The following BAIAP2 variants were observed in gnomAD, a reference collection of about 807,000 sequenced individuals.
The protein encoded by BAIAP2 is BAR/IMD domain containing adaptor protein 2.
BAIAP2 carries 18 observed loss-of-function variants against 63.0 expected under a neutral mutation model. That is an observed-to-expected ratio of 0.29 (90% CI 0.20 to 0.42). BAIAP2 has a LOEUF of 0.42. Ranked by LOEUF, BAIAP2 falls within the 10% of genes least tolerant of loss-of-function variation. The pLI, the probability that BAIAP2 is intolerant of heterozygous loss-of-function variation, is 1.00. For synonymous variants in BAIAP2, 386 were observed against 307.6 expected, an observed-to-expected ratio of 1.25 and a Z score of -2.67; for missense variants, 610 against 734.3, an observed-to-expected ratio of 0.83 and a Z score of 1.96.
rs116179250 is a variant in BAIAP2 at position 81,110,218 on chromosome 17, A to G, written c.1535+1709A>G. ...CCCCGTGGCCTGGGACGTGGCTGGT[A>G]GTGTTTGTGTGGGAAGCAGCTCAAG... On this transcript the variant is annotated intron_variant, in intron 13 of 13. Coordinates refer to ENST00000428708, the MANE Select transcript of BAIAP2 (RefSeq NM_001144888.2). The G allele has an allele frequency of 1.7e-3, 1,635 of 985,668 alleles. 22 individuals are homozygous for G. In the African/African-American group the frequency reaches 0.027, roughly 16 times the overall value. The allele number at this position is 985,668 out of a possible 1,614,324, so 61.1% of individuals were successfully genotyped here. A position where few individuals can be genotyped will look rare whatever the true frequency, so the allele number is the denominator to read the frequency against.
rs369101747 is a variant in BAIAP2 at position 81,101,254 on chromosome 17, G to A, written c.642+1174G>A. ...AGCCTGGCCCTGCTGAACCAGGAGC[G>A]AGTTCCTCAGGGACGGGCTGCAGCA... On this transcript the variant is annotated intron_variant, in intron 7 of 13. Coordinates refer to ENST00000428708, the MANE Select transcript of BAIAP2 (RefSeq NM_001144888.2). Among the ~76,000 whole-genome samples the A allele has an allele frequency of 4.1e-4, 62 of 152,244 alleles. No individual in the cohort carries two copies. In the South Asian group the frequency reaches 0.012, roughly 31 times the overall value.
chr17:81,110,568 C>A (rs1271566641), intron 13 of BAIAP2: 2 of 1,168,040 alleles, frequency 1.7e-6, no homozygotes, highest in Admixed American at 4.3e-5. Context: ...GCCGTGGGGG[C>A]CCCGCCTTGT....
At position 81,103,922 on chromosome 17, in the gene BAIAP2, G is replaced by A; in HGVS notation, c.880G>A (p.Glu294Lys). 1 of 1,612,992 alleles carries A rather than the reference G, an allele frequency of 6.2e-7. No individual in the cohort carries two copies. Among genetic ancestry groups the A allele is most frequent in the Non-Finnish European group, 8.5e-7 (1 of 1,180,012 alleles). ...APFVGRMSAQ[E>K]STPIMNGVTG... Reference sequence around the variant, plus strand: ...TTCCCTGCAGCGGATGTCTGCCCAGGAGAGCACACCCATCATGAACGGCGT... The same window carrying A: ...TTCCCTGCAGCGGATGTCTGCCCAGAAGAGCACACCCATCATGAACGGCGT... Residue 294 changes from glutamate (E) to lysine (K), a missense_variant, in exon 9 of 14, where the codon GAG (glutamate) becomes AAG (lysine). Physicochemically the swap from Glu to Lys is moderately conservative, Grantham distance 56. Around this residue, in one of 5 missense-constraint regions of BAIAP2, gnomAD observed 389 missense variants for 455.6 expected, o/e 0.85. Transcript: ENST00000428708.
rs78875270 is a variant in BAIAP2, at chr17:81,096,719, C to T, written c.490-3209C>T. On this transcript the variant is annotated intron_variant, in intron 6 of 13. Coordinates refer to ENST00000428708, the MANE Select transcript of BAIAP2 (RefSeq NM_001144888.2). ...GGAGCACAGCGGGCTCAGGTGTCCT[C>T]CTCCATGGCTGCAGTATGTGGCGTC... Among the ~76,000 whole-genome samples the T allele has an allele frequency of 6.1e-3, 933 of 152,380 alleles. 9 individuals carry two copies. The highest frequency in any genetic ancestry group is 0.02 in the African/African-American group (828 of 41,594).
intron 1 of BAIAP2, among the ~76,000 whole-genome samples, chr17:81,041,365 T>C (rs909827638): frequency 3.9e-5 from 6 of 152,092 alleles, no homozygotes; most frequent in Non-Finnish European, 5.9e-5. Context: ...CTCACTCTGA[T>C]GGGCAGGGGT....
At chr17:81,102,675 C>A (rs893663613) in intron 7 of BAIAP2, among the ~76,000 whole-genome samples, 1 of 152,178 alleles carries the variant, frequency 6.6e-6, no homozygotes, top group South Asian at 2.1e-4. Flanking sequence ...CGTCCAACAT[C>A]CTCCGTGGGT....
chr17:81,067,113 G>A (rs928341603), intron 3 of BAIAP2, among the ~76,000 whole-genome samples: 3 of 152,224 alleles, frequency 2.0e-5, no homozygotes, highest in Non-Finnish European at 2.9e-5. Flanking sequence ...CCCAGCCTGG[G>A]GGCTTCCCTT....
chr17:81,115,532 T>TG (rs1258505347), intron 13 of BAIAP2, among the ~76,000 whole-genome samples: 1 of 151,868 alleles, frequency 6.6e-6, no homozygotes, highest in Non-Finnish European at 1.5e-5. Context: ...TGGATCGGGG[T>TG]GGGGGCACCC....
At chr17:81,110,656 G>A (rs2059811247) in intron 13 of BAIAP2, 1 of 1,345,822 alleles carries the variant, frequency 7.4e-7, no homozygotes, top group East Asian at 2.6e-5. Flanking sequence ...GCTGGCCCCA[G>A]TGACAGTCGC....
At chr17:81,069,970 C>T (rs72852979) in intron 3 of BAIAP2, among the ~76,000 whole-genome samples, 146 of 152,036 alleles carry the variant, frequency 9.6e-4, no homozygotes, top group Admixed American at 1.6e-3. Flanking sequence ...TTGTCTTTTC[C>T]CCCTTTTTGG....
At chr17:81,083,223 A>G (rs2054937325) in intron 3 of BAIAP2, 1 of 152,244 alleles carries the variant, frequency 6.6e-6, no homozygotes, top group Non-Finnish European at 1.5e-5. Context: ...GGGCGATCCT[A>G]GTGGGGGTTC....
intron 6 of BAIAP2, among the ~76,000 whole-genome samples, chr17:81,089,829 C>T (rs1466336600): frequency 2.0e-5 from 3 of 152,150 alleles, no homozygotes; most frequent in African/African-American, 7.2e-5. Context: ...GGCAGGGCCC[C>T]GAAGCGCATG....
In BAIAP2 at chr17:81,035,184, G is replaced by T. The variant is rs1425587610; in HGVS notation, c.-71G>T. The T allele has an allele frequency of 1.0e-5, 13 of 1,303,714 alleles. No homozygotes were observed. The highest frequency in any genetic ancestry group is 9.0e-5 in the South Asian group (6 of 66,388). The allele number at this position is 1,303,714 out of a possible 1,614,324, so 80.8% of individuals were successfully genotyped here. ...GGTCCGCTTTCGTCTCCGTCCTGCT[G>T]CCGTTACCGCCGCTGCTGCCGCCGC... On this transcript the variant is annotated 5_prime_UTR_variant, in exon 1 of 14. Coordinates refer to ENST00000428708, the MANE Select transcript of BAIAP2 (RefSeq NM_001144888.2).
intron 3 of BAIAP2, among the ~76,000 whole-genome samples, chr17:81,076,860 C>T (rs1333625647): frequency 1.3e-5 from 2 of 152,098 alleles, no homozygotes; most frequent in Non-Finnish European, 2.9e-5. Flanking sequence ...AGTCCCAGCT[C>T]CTCGAGAGGC....
chr17:81,106,969 G>T, intron 12 of BAIAP2, 62 bp downstream of exon 12: 1 of 1,453,436 alleles, frequency 6.9e-7, no homozygotes, highest in Non-Finnish European at 9.1e-7. Flanking sequence ...TCAGCCTGCA[G>T]TCCCCCGTTG....
intron 1 of BAIAP2, among the ~76,000 whole-genome samples, chr17:81,037,465 C>T (rs1424742039): frequency 6.6e-6 from 1 of 152,228 alleles, no homozygotes; most frequent in African/African-American, 2.4e-5. Flanking sequence ...GCTCAAGGTG[C>T]CTTGGTAGTG....
chr17:81,043,887 G>T (rs1004811331), intron 1 of BAIAP2, among the ~76,000 whole-genome samples: 4 of 152,258 alleles, frequency 2.6e-5, no homozygotes, highest in African/African-American at 9.6e-5. Flanking sequence ...TTCTCGCCGC[G>T]GGGTCTCTGT....
At chr17:81,040,044 C>T (rs1476790898) in intron 1 of BAIAP2, among the ~76,000 whole-genome samples, 1 of 151,420 alleles carries the variant, frequency 6.6e-6, no homozygotes, top group Non-Finnish European at 1.5e-5. Flanking sequence ...GCATGGCCCT[C>T]TCTGCCAGCT....
At chr17:81,112,860 G>A (rs1033955956) in intron 13 of BAIAP2, among the ~76,000 whole-genome samples, 1 of 152,014 alleles carries the variant, frequency 6.6e-6, no homozygotes, top group Non-Finnish European at 1.5e-5. Context: ...AGATCAGCCT[G>A]GGCAACCTAG....
Sources: allele counts gnomAD v4.1 joint callset (sites outside exome capture counted in the v4.1 genomes callset), GRCh38; gene constraint gnomAD v4.1.1; regional missense constraint gnomAD v4.1.1; transcripts MANE v1.5; gene names NCBI Gene and HGNC (gene_info 2026-07-23, HGNC 2026-07-21).